The following NOTCH2 variants were observed in gnomAD, a reference collection of about 807,000 sequenced individuals.
The protein encoded by NOTCH2 is notch receptor 2.
NOTCH2 carries 29 observed loss-of-function variants against 235.8 expected under a neutral mutation model. The observed-to-expected ratio is 0.12, with a 90% CI of 0.09 to 0.17. The LOEUF (loss-of-function observed/expected upper bound fraction) is 0.17. Ranked by LOEUF, NOTCH2 falls within the 10% of genes least tolerant of loss-of-function variation. The pLI is 1.00. For synonymous variants in NOTCH2, 1,086 were observed against 1,141.5 expected (o/e 0.95, Z 0.98); for missense variants, 2,285 against 3,150.2 (o/e 0.73, Z 6.57).
At chr1:119,934,681 T>C (rs587677165) in intron 22 of NOTCH2, among the ~76,000 whole-genome samples, 1 of 152,318 alleles carries the variant, frequency 6.6e-6, no homozygotes, top group African/African-American at 2.4e-5. Flanking sequence ...TCTAAGGCAA[T>C]ACAAATACTT....
chr1:119,925,620 G>A lies in NOTCH2; in HGVS notation c.4196C>T (p.Ser1399Phe), dbSNP rs1332719917. ...CHPQRQPPYY[S>F]CQCAPPFSGS... is the part of the protein sequence containing the mutation. The stretch of plus-strand genomic sequence containing the variant: ...CGAGAATGGTGGGGCACACTGGCAG[G>A]AGTAATAAGGAGGCTGGCGCTGAGG... The change falls in exon 25 of 34, where the codon TCC becomes TTC. Residue 1399 changes from serine to phenylalanine, a missense_variant. By Grantham distance (155) the Ser-to-Phe change is radical. This residue lies in a region of NOTCH2 where 1,173 missense variants were observed against 1,515.3 expected (regional missense o/e 0.77). Coordinates refer to ENST00000256646, the MANE Select transcript of NOTCH2 (RefSeq NM_024408.4). The A allele has an allele frequency of 2.5e-6, 4 of 1,613,802 alleles. No homozygotes were observed. Among genetic ancestry groups the A allele is most frequent in the Non-Finnish European group, 3.4e-6 (4 of 1,179,858 alleles).
Position 119,922,384 on chromosome 1 carries a change from T to A in NOTCH2, c.5065A>T (p.Ile1689Phe), listed in dbSNP as rs60854092. The A allele has an allele frequency of 1.1e-3, 1,794 of 1,614,078 alleles. 26 individuals carry two copies. The East Asian group carries it at 0.034, about 31-fold the overall frequency. ...ACCCCCAGCAGAATAATAAACAGAATGATGACAACAGCAACAGCAAGGAGA... is the reference window on the plus strand; with the variant it reads ...ACCCCCAGCAGAATAATAAACAGAAAGATGACAACAGCAACAGCAAGGAGA... ...LYLLAVAVVI[I>F]LFIILLGVIM... The change falls in exon 28 of 34, where the codon ATT becomes TTT. Residue 1689 changes from isoleucine to phenylalanine, a missense_variant. Physicochemically the swap from Ile to Phe is conservative, Grantham distance 21. Around this residue, in one of 6 missense-constraint regions of NOTCH2, gnomAD observed 1,173 missense variants for 1,515.3 expected, o/e 0.77. Transcript: ENST00000256646.
chr1:119,924,060 C>T, intron 25 of NOTCH2, 76 bp from the exon 26 acceptor site: 1 of 1,287,682 alleles, frequency 7.8e-7, no homozygotes, highest in Non-Finnish European at 1.1e-6. Context: ...TCATTTGGAA[C>T]TACTGTGGAT....
rs587679367 is a variant in NOTCH2 at position 119,987,774 on chromosome 1, G to A, written c.752-692C>T. ...ATGTTAAAAGGTATCTGAAAATTGGGTGGCATTATTACTAACTAAGCTTAC... is the reference window on the plus strand; with the variant it reads ...ATGTTAAAAGGTATCTGAAAATTGGATGGCATTATTACTAACTAAGCTTAC... On this transcript the variant is annotated intron_variant, in intron 4 of 33. Coordinates refer to ENST00000256646, the MANE Select transcript of NOTCH2 (RefSeq NM_024408.4). Among the ~76,000 whole-genome samples, 15 of 152,244 alleles carry A rather than the reference G, an allele frequency of 9.9e-5. No homozygotes were observed. The East Asian group carries it at 2.1e-3, about 22-fold the overall frequency.
intron 5 of NOTCH2, among the ~76,000 whole-genome samples, chr1:119,975,444 G>A (rs1553200805): frequency 6.6e-6 from 1 of 152,042 alleles, no homozygotes; most frequent in Non-Finnish European, 1.5e-5. Context: ...TCAAGGGATT[G>A]AGACCATCCT....
At chr1:120,046,350 G>C (rs1242195982) in intron 1 of NOTCH2, among the ~76,000 whole-genome samples, 3 of 19,948 alleles carry the variant, frequency 1.5e-4, no homozygotes, top group African/African-American at 2.8e-4. Context: ...TGGGTTCTAT[G>C]CCTGGCTCTC....
chr1:119,950,915 G>T (rs1650446234), intron 14 of NOTCH2, 78 bp from the exon 15 acceptor site: 2 of 900,250 alleles, frequency 2.2e-6, no homozygotes, highest in Non-Finnish European at 3.8e-6. Context: ...TCTCTTTAGG[G>T]GTAAAAACTG....
intron 3 of NOTCH2, among the ~76,000 whole-genome samples, chr1:120,001,198 G>T (rs587723699): frequency 6.6e-6 from 1 of 151,986 alleles, no homozygotes; most frequent in Non-Finnish European, 1.5e-5. Flanking sequence ...CCGGTCTCGG[G>T]GATATCTTTA....
intron 3 of NOTCH2, among the ~76,000 whole-genome samples, chr1:120,000,382 A>C (rs1172952855): frequency 6.6e-6 from 1 of 151,604 alleles, no homozygotes; most frequent in Non-Finnish European, 1.5e-5. Context: ...AAAAATACAA[A>C]AATTAGCCGG....
intron 1 of NOTCH2, among the ~76,000 whole-genome samples, chr1:120,045,653 G>A (rs1168367372): frequency 6.6e-6 from 1 of 152,072 alleles, no homozygotes; most frequent in Non-Finnish European, 1.5e-5. Flanking sequence ...CCCTCTTAAG[G>A]AGAGATACAA....
At chr1:120,022,836 A>G (rs1184657950) in intron 2 of NOTCH2, among the ~76,000 whole-genome samples, 3 of 152,120 alleles carry the variant, frequency 2.0e-5, no homozygotes, top group African/African-American at 7.2e-5. Context: ...TGAACTACAA[A>G]CTTAAAACAG....
At chr1:119,932,793 T>A (rs1288871325) in intron 22 of NOTCH2, among the ~76,000 whole-genome samples, 1 of 152,204 alleles carries the variant, frequency 6.6e-6, no homozygotes, top group Non-Finnish European at 1.5e-5. Flanking sequence ...TGCATTTGGC[T>A]TCTCTCTACA....
intron 21 of NOTCH2, 39 bp from the exon 22 acceptor site, chr1:119,935,643 C>A: frequency 3.7e-6 from 6 of 1,611,424 alleles, no homozygotes; most frequent in South Asian, 1.1e-5. Context: ...AATATTGGAC[C>A]ATTACTGGAA....
At chr1:119,917,897 C>T (rs1557803110) in intron 32 of NOTCH2, 135 bp from the exon 33 acceptor site, 2 of 698,068 alleles carry the variant, frequency 2.9e-6, no homozygotes, top group Non-Finnish European at 5.2e-6. Context: ...TAGGAAAAAC[C>T]AAAGTAATCT....
chr1:120,001,304 C>G (rs1652741888), intron 3 of NOTCH2, among the ~76,000 whole-genome samples: 2 of 151,954 alleles, frequency 1.3e-5, no homozygotes, highest in Admixed American at 6.6e-5. Context: ...TTGGAGGGAA[C>G]CAGCTACTAG....
chr1:119,978,092 T>A (rs10494235), intron 5 of NOTCH2, among the ~76,000 whole-genome samples: 46,840 of 151,958 alleles, frequency 0.31, 12,654 homozygotes, highest in African/African-American at 0.73. Context: ...CTAGAGAATG[T>A]AACTTTTAAG....
Position 119,959,372 on chromosome 1 carries a change from T to TGCAGTAAAA in NOTCH2, c.2026+11_2026+19dup, listed in dbSNP as rs782391545. On this transcript the variant is annotated intron_variant, in intron 12 of 33. Transcript: ENST00000256646. ...AGTGATAGGGCTGAAGGAGGGGCCTTGCAGTAAAAGGAGCTTTACCTGTGA... is the reference window on the plus strand; with the variant it reads ...AGTGATAGGGCTGAAGGAGGGGCCTTGCAGTAAAAGCAGTAAAAGGAGCTTTACCTGTGA... 2.3e-6 allele frequency: 3 copies of TGCAGTAAAA among 1,290,350 alleles called. No homozygotes were observed. In the African/African-American group the frequency reaches 4.4e-5, roughly 19 times the overall value. 79.9% of individuals were successfully genotyped at this position (1,290,350 alleles called of 1,614,324 possible). A position where few individuals can be genotyped will look rare whatever the true frequency, so the allele number is the denominator to read the frequency against.
At position 119,948,431 on chromosome 1, in the gene NOTCH2, A is replaced by G. The variant is rs782379413; in HGVS notation, c.2735T>C (p.Ile912Thr). The change falls in exon 17 of 34, where the codon ATT becomes ACT. Residue 912 changes from isoleucine to threonine, a missense_variant. Ile to Thr is a moderately conservative substitution (Grantham distance 89). Around this residue, in one of 6 missense-constraint regions of NOTCH2, gnomAD observed 1,173 missense variants for 1,515.3 expected, o/e 0.77. Transcript: ENST00000256646. ...ATACTCACTGGCAAGGCAGTCATCAATGTCCTCCTCACAGTCCATACCACT... is the reference window on the plus strand; with the variant it reads ...ATACTCACTGGCAAGGCAGTCATCAGTGTCCTCCTCACAGTCCATACCACT... ...GFSGMDCEED[I>T]DDCLANPCQN... 6.2e-7 allele frequency: 1 copy of G among 1,614,038 alleles called. No individual in the cohort carries two copies. Among genetic ancestry groups the G allele is most frequent in the Non-Finnish European group, 8.5e-7 (1 of 1,180,042 alleles).
intron 24 of NOTCH2, 109 bp downstream of exon 24, chr1:119,926,390 G>T (rs587644410): frequency 2.2e-6 from 2 of 892,900 alleles, no homozygotes; most frequent in East Asian, 5.3e-5. Context: ...CTAAAATTGA[G>T]AAATCTTCCC....
Sources: gnomAD v4.1 joint callset for allele counts (sites outside exome capture counted in the v4.1 genomes callset) on GRCh38, gnomAD v4.1.1 for gene constraint, gnomAD v4.1.1 regional missense constraint, MANE v1.5 for transcripts, NCBI Gene and HGNC (gene_info 2026-07-23, HGNC 2026-07-21) for gene names.